SPG11: variants seen among roughly 807,000 people sequenced by gnomAD.
SPG11 encodes the protein spatacsin.
A neutral mutation model predicts 274.0 loss-of-function variants in SPG11; 222 were observed. That is an observed-to-expected ratio of 0.81 (90% confidence interval 0.73 to 0.91). SPG11 has a LOEUF of 0.91. Ranked by LOEUF, SPG11 falls within the 40% of genes least tolerant of loss-of-function variation. The probability of loss-of-function intolerance (pLI) is 0.00; values close to 1 mark genes in which losing one functional copy is unlikely to be tolerated. For missense variants in SPG11, 3,114 were observed against 2,872.7 expected (o/e 1.08, Z -1.92); for synonymous variants, 1,144 against 1,039.7 (o/e 1.10, Z -1.93).
At chr15:44,603,061 T>C (rs2083236326) in intron 20 of SPG11, among the ~76,000 whole-genome samples, 2 of 151,186 alleles carry the variant, frequency 1.3e-5, no homozygotes, top group African/African-American at 4.9e-5. Context: ...CAATTTTTTT[T>C]TTTTTTTTTT....
intron 4 of SPG11, among the ~76,000 whole-genome samples, chr15:44,653,317 C>A (rs1385847891): frequency 6.6e-6 from 1 of 152,132 alleles, no homozygotes; most frequent in African/African-American, 2.4e-5. Context: ...ATCCTTTAAA[C>A]AACTTGAAGG....
chr15:44,579,475 C>T (rs898947141), intron 30 of SPG11, among the ~76,000 whole-genome samples: 6 of 140,414 alleles, frequency 4.3e-5, no homozygotes, highest in African/African-American at 5.4e-5. Flanking sequence ...TGCAGTGAGC[C>T]GAGGTCACAC....
In SPG11 at chr15:44,663,374, T is replaced by C. The variant is rs201878138; in HGVS notation, c.257+17A>G. Reference sequence around the variant, plus strand: ...CTCTGGACTCCCCCAACGGCCCAACTCTCCCTCAGCACTTACTGCCAGAAG... The same window carrying C: ...CTCTGGACTCCCCCAACGGCCCAACCCTCCCTCAGCACTTACTGCCAGAAG... On this transcript the variant is annotated intron_variant, in intron 1 of 39. Transcript: ENST00000261866. 1.3e-3 allele frequency: 2,138 copies of C among 1,603,870 alleles called. No individual in the cohort carries two copies. Among genetic ancestry groups the C allele is most frequent in the Non-Finnish European group, 1.6e-3 (1,932 of 1,175,968 alleles).
Position 44,651,513 on chromosome 15 carries a change from C to G in SPG11, c.1434G>C (p.Gln478His). 1 of 1,614,152 alleles carries G rather than the reference C, an allele frequency of 6.2e-7. No individual in the cohort carries two copies. The highest frequency in any genetic ancestry group is 8.5e-7 in the Non-Finnish European group (1 of 1,179,986). Reference sequence around the variant, plus strand: ...CACCTGTCAAAACAAAGCACAGCTGCTGGTCTCCACTACTGTCTACAGGAA... The same window carrying G: ...CACCTGTCAAAACAAAGCACAGCTGGTGGTCTCCACTACTGTCTACAGGAA... ...KCIPVDSSGDQQLCFVLTENG... is the reference protein window; with the variant it reads ...KCIPVDSSGDHQLCFVLTENG... The change falls in exon 6 of 40, where the codon CAG (glutamine) becomes CAC (histidine). Residue 478 changes from glutamine (Q) to histidine (H), a missense_variant. By Grantham distance (24) the Gln-to-His change is conservative. Coordinates refer to ENST00000261866, the MANE Select transcript of SPG11 (RefSeq NM_025137.4).
intron 15 of SPG11, 196 bp downstream of exon 15, chr15:44,619,994 G>C (rs1456144825): frequency 3.6e-6 from 2 of 560,088 alleles, no homozygotes; most frequent in East Asian, 6.6e-5. Context: ...GAGATTACAG[G>C]CATGAGCCAC....
At position 44,613,538 on chromosome 15, in the gene SPG11, T is replaced by G. The variant is rs1345385010; in HGVS notation, c.3039-2A>C. The G allele has an allele frequency of 1.3e-6, 2 of 1,598,900 alleles. No homozygotes were observed. Among genetic ancestry groups the G allele is most frequent in the Non-Finnish European group, 1.7e-6 (2 of 1,166,352 alleles). On this transcript the variant is annotated splice_acceptor_variant, in intron 16 of 39. Transcript: ENST00000261866. LOFTEE classifies it high-confidence loss of function. ...AAGGGACAATTTTCAGGACTAAGTC[T>G]GTATATAAAACAAACAAAAACCTTC...
chr15:44,615,593 G>T, intron 15 of SPG11, 27 bp from the exon 16 acceptor site: 1 of 1,607,988 alleles, frequency 6.2e-7, no homozygotes, highest in Non-Finnish European at 8.5e-7. Flanking sequence ...AGGATGTCAA[G>T]TTAAAAAGTT....
chr15:44,598,183 A>G, intron 23 of SPG11, 82 bp downstream of exon 23: 2 of 941,122 alleles, frequency 2.1e-6, no homozygotes, highest in Admixed American at 1.8e-5. Context: ...AAAACACCAG[A>G]GTTGTTCAAA....
chr15:44,608,163 G>C (rs140707213), intron 19 of SPG11, among the ~76,000 whole-genome samples: 1 of 152,302 alleles, frequency 6.6e-6, no homozygotes, highest in African/African-American at 2.4e-5. Flanking sequence ...GTTCCCATTA[G>C]GCAGCCTGGT....
chr15:44,638,377 T>C (rs1032702991), intron 7 of SPG11, among the ~76,000 whole-genome samples: 1 of 152,024 alleles, frequency 6.6e-6, no homozygotes, highest in Non-Finnish European at 1.5e-5. Context: ...CAAGAATCGC[T>C]TGAACACAGG....
rs756459361 is a variant in SPG11, at chr15:44,652,258, G to C, written c.878C>G (p.Pro293Arg). 3 of 1,614,008 alleles carry C rather than the reference G, an allele frequency of 1.9e-6. No individual in the cohort carries two copies. The highest frequency in any genetic ancestry group is 2.5e-6 in the Non-Finnish European group (3 of 1,180,010). The change falls in exon 5 of 40, where the codon CCA becomes CGA. Residue 293 changes from proline to arginine, a missense_variant. Physicochemically the swap from Pro to Arg is moderately radical, Grantham distance 103. Coordinates refer to ENST00000261866, the MANE Select transcript of SPG11 (RefSeq NM_025137.4). ...LNLNLYFRQHPGHLLCERILE... is the reference protein window; with the variant it reads ...LNLNLYFRQHRGHLLCERILE... Reference sequence around the variant, plus strand: ...TATTCTTTCACACAGTAGGTGTCCTGGGTGTTGCCTACATTTAAAAATAAT... The same window carrying C: ...TATTCTTTCACACAGTAGGTGTCCTCGGTGTTGCCTACATTTAAAAATAAT...
chr15:44,602,693 A>G (rs146255298), intron 20 of SPG11, among the ~76,000 whole-genome samples: 10,517 of 152,006 alleles, frequency 0.069, 949 homozygotes, highest in African/African-American at 0.19. Flanking sequence ...CGTGTTAGCC[A>G]GGATGGTCTC....
intron 7 of SPG11, among the ~76,000 whole-genome samples, chr15:44,639,423 G>T (rs887458788): frequency 2.6e-5 from 4 of 152,130 alleles, no homozygotes; most frequent in African/African-American, 9.7e-5. Context: ...AAAGGTGGTA[G>T]CTAGGCGTGG....
chr15:44,568,855 G>A (rs2082359373), intron 35 of SPG11, among the ~76,000 whole-genome samples: 1 of 152,142 alleles, frequency 6.6e-6, no homozygotes, highest in South Asian at 2.1e-4. Flanking sequence ...CTGAGGTGGA[G>A]GAGGACAAAC....
chr15:44,580,376 G>A (rs1567136245), intron 30 of SPG11, among the ~76,000 whole-genome samples: 1 of 152,200 alleles, frequency 6.6e-6, no homozygotes, highest in Non-Finnish European at 1.5e-5. Context: ...TTCTCAGAAT[G>A]TAACCTCATT....
Position 44,600,614 on chromosome 15 carries a change from G to A in SPG11, c.3539C>T (p.Pro1180Leu). The A allele has an allele frequency of 6.2e-7, 1 of 1,613,994 alleles. No individual in the cohort carries two copies. The change falls in exon 21 of 40, where the codon CCA becomes CTA. Residue 1180 changes from proline to leucine, a missense_variant. Physicochemically the swap from Pro to Leu is moderately conservative, Grantham distance 98. Coordinates refer to ENST00000261866, the MANE Select transcript of SPG11 (RefSeq NM_025137.4). ...AACCAGGTCAGGGCTAGAGAAATGTGGGAGATGACTCCATGCATCTAGGGG... is the reference window on the plus strand; with the variant it reads ...AACCAGGTCAGGGCTAGAGAAATGTAGGAGATGACTCCATGCATCTAGGGG... ...LAIGDAWSHL[P>L]HFSSPDLVNK...
rs147654881 is a variant in SPG11, at chr15:44,604,129, G to A, written c.3520+1896C>T. 3.4e-3 allele frequency: 1,493 copies of A among 444,200 alleles called. 19 individuals carry two copies. The highest frequency in any genetic ancestry group is 0.023 in the African/African-American group (1,136 of 49,074). 27.5% of individuals were successfully genotyped at this position (444,200 alleles called of 1,614,324 possible). On this transcript the variant is annotated intron_variant, in intron 20 of 39. Coordinates refer to ENST00000261866, the MANE Select transcript of SPG11 (RefSeq NM_025137.4). The stretch of plus-strand genomic sequence containing the variant: ...CCTGCTCTTGTTTTCAAAGTTCAAA[G>A]CTTATTTCTGAAATAAAGTTGTGTT...
intron 15 of SPG11, among the ~76,000 whole-genome samples, chr15:44,617,875 C>A (rs1292089235): frequency 1.3e-5 from 2 of 152,034 alleles, no homozygotes; most frequent in African/African-American, 4.8e-5. Flanking sequence ...GATGTTTCAT[C>A]ATGTTGGCCA....
At position 44,563,134 on chromosome 15, in the gene SPG11, A is replaced by C. The variant is rs2082227527; in HGVS notation, c.7319T>G (p.Met2440Arg). 6.2e-7 allele frequency: 1 copy of C among 1,614,050 alleles called. No individual in the cohort carries two copies. The highest frequency in any genetic ancestry group is 1.3e-5 in the African/African-American group (1 of 74,944). ...DPQTGCCLKD[M>R]LAG ...CTATGAAATCATCTAACCTGCTAGC[A>C]TGTCCTTTAGACAGCAACCTGTCTG... Residue 2440 changes from methionine to arginine, a missense_variant, in exon 40 of 40, where the codon ATG (methionine) becomes AGG (arginine). Coordinates refer to ENST00000261866, the MANE Select transcript of SPG11 (RefSeq NM_025137.4).
Sources: gnomAD v4.1 joint callset for allele counts (sites outside exome capture counted in the v4.1 genomes callset) on GRCh38, gnomAD v4.1.1 for gene constraint, MANE v1.5 for transcripts, NCBI Gene and HGNC (gene_info 2026-07-23, HGNC 2026-07-21) for gene names.